Variants in ADGRB3 observed in about 807,000 individuals in gnomAD.
The protein encoded by ADGRB3 is brain-specific angiogenesis inhibitor 3.
A neutral mutation model predicts 193.4 loss-of-function variants in ADGRB3; 37 were observed. The observed-to-expected ratio is 0.19, with a 90% CI of 0.15 to 0.25. The LOEUF is 0.25. Ranked by LOEUF, ADGRB3 falls within the 10% of genes least tolerant of loss-of-function variation. ADGRB3 has a pLI of 1.00. For synonymous variants in ADGRB3, 690 were observed against 644.2 expected, an observed-to-expected ratio of 1.07 and a Z score of -1.08; for missense variants, 1,637 against 1,852.9, an observed-to-expected ratio of 0.88 and a Z score of 2.14.
At chr6:69,104,109 A>T (rs1773143043) in intron 17 of ADGRB3, among the ~76,000 whole-genome samples, 1 of 151,784 alleles carries the variant, frequency 6.6e-6, no homozygotes, top group South Asian at 2.1e-4. Flanking sequence ...ATATGTATAC[A>T]TGTGCCATGC....
rs116516969 is a variant in ADGRB3 at position 68,911,454 on chromosome 6, G to A, written c.758-19105G>A. Among the ~76,000 whole-genome samples, 234 of 151,980 alleles carry A rather than the reference G, an allele frequency of 1.5e-3. 1 individual carries two copies. The highest frequency in any genetic ancestry group is 5.0e-3 in the African/African-American group (207 of 41,430). On this transcript the variant is annotated intron_variant, in intron 3 of 31. Coordinates refer to ENST00000370598, the MANE Select transcript of ADGRB3 (RefSeq NM_001704.3). ...AGGAAATTTTGAGGGTAAAGCCACA[G>A]GTCAAGACAGCAAACCACAAATCTA...
chr6:68,732,170 A>T (rs185834874), intron 3 of ADGRB3, among the ~76,000 whole-genome samples: 131 of 151,918 alleles, frequency 8.6e-4, no homozygotes, highest in Admixed American at 2.3e-3. Flanking sequence ...TTAAATATTG[A>T]ACTATATTTT....
At chr6:69,112,622 C>T (rs1170450707) in intron 17 of ADGRB3, among the ~76,000 whole-genome samples, 1 of 152,028 alleles carries the variant, frequency 6.6e-6, no homozygotes, top group East Asian at 1.9e-4. Context: ...TTCATGAGTT[C>T]CACATCCATT....
intron 5 of ADGRB3, among the ~76,000 whole-genome samples, chr6:68,939,334 A>G (rs747680214): frequency 8.5e-5 from 13 of 152,266 alleles, no homozygotes; most frequent in Middle Eastern, 3.4e-3. Context: ...TAGTGTTCCA[A>G]TAATGGAACA....
At chr6:69,104,121 G>T (rs1203314361) in intron 17 of ADGRB3, among the ~76,000 whole-genome samples, 5 of 151,490 alleles carry the variant, frequency 3.3e-5, no homozygotes, top group Non-Finnish European at 5.9e-5. Flanking sequence ...GTGCCATGCT[G>T]GTGTGCTGCA....
intron 17 of ADGRB3, among the ~76,000 whole-genome samples, chr6:69,085,498 T>C (rs912562226): frequency 2.0e-5 from 3 of 152,100 alleles, no homozygotes; most frequent in African/African-American, 7.2e-5. Context: ...GAAAAGACTT[T>C]ATATTGCTGA....
At chr6:68,745,235 G>A (rs73463952) in intron 3 of ADGRB3, among the ~76,000 whole-genome samples, 4,933 of 152,234 alleles carry the variant, frequency 0.032, 142 homozygotes, top group African/African-American at 0.073. Context: ...AAATTGTGGT[G>A]TATACATACA....
intron 3 of ADGRB3, among the ~76,000 whole-genome samples, chr6:68,731,816 T>A (rs2127332714): frequency 6.6e-6 from 1 of 151,822 alleles, no homozygotes; most frequent in East Asian, 1.9e-4. Context: ...ATGTGAATCA[T>A]ATTGTTACTG....
At chr6:68,947,143 A>AG (rs1283915791) in intron 6 of ADGRB3, among the ~76,000 whole-genome samples, 2 of 152,130 alleles carry the variant, frequency 1.3e-5, no homozygotes, top group African/African-American at 4.8e-5. Context: ...GAGCAACAAA[A>AG]GGAATTTCCT....
intron 3 of ADGRB3, among the ~76,000 whole-genome samples, chr6:68,750,728 G>A (rs1354530902): frequency 1.3e-5 from 2 of 152,140 alleles, no homozygotes; most frequent in African/African-American, 4.8e-5. Flanking sequence ...GACAGTGAGG[G>A]TGCTGGCTGA....
chr6:68,708,423 G>A (rs1175129284), intron 3 of ADGRB3, among the ~76,000 whole-genome samples: 1 of 152,094 alleles, frequency 6.6e-6, no homozygotes, highest in Non-Finnish European at 1.5e-5. Flanking sequence ...GGCTAAATTG[G>A]CCTTGACTTA....
intron 17 of ADGRB3, among the ~76,000 whole-genome samples, chr6:69,145,542 G>C (rs1019938985): frequency 2.6e-5 from 4 of 152,178 alleles, no homozygotes; most frequent in African/African-American, 9.6e-5. Flanking sequence ...GCGTGTTTCA[G>C]CTCCTTTTGT....
At chr6:69,102,636 G>A (rs1773097496) in intron 17 of ADGRB3, among the ~76,000 whole-genome samples, 1 of 152,150 alleles carries the variant, frequency 6.6e-6, no homozygotes, top group South Asian at 2.1e-4. Context: ...GTGAGCAGCA[G>A]GGCCACCAAG....
At chr6:69,313,596 G>T (rs1768245236) in intron 20 of ADGRB3, among the ~76,000 whole-genome samples, 1 of 151,630 alleles carries the variant, frequency 6.6e-6, no homozygotes, top group Non-Finnish European at 1.5e-5. Flanking sequence ...TTGGTTTTGA[G>T]TGCCTATATA....
chr6:68,733,348 GA>G (rs199854086), intron 3 of ADGRB3, among the ~76,000 whole-genome samples: 3,328 of 151,026 alleles, frequency 0.022, 64 homozygotes, highest in South Asian at 0.069. Flanking sequence ...TTGCAACGTA[GA>G]TGCAGCCTGA....
chr6:69,077,390 G>A (rs1772262671), intron 17 of ADGRB3, among the ~76,000 whole-genome samples: 1 of 151,838 alleles, frequency 6.6e-6, no homozygotes, highest in Non-Finnish European at 1.5e-5. Context: ...TTGAACTCCT[G>A]ATTTTAGTTT....
intron 3 of ADGRB3, among the ~76,000 whole-genome samples, chr6:68,759,948 G>T (rs1294949257): frequency 6.6e-6 from 1 of 151,932 alleles, no homozygotes; most frequent in Admixed American, 6.6e-5. Flanking sequence ...TATCTTAATT[G>T]TTTGAAGTTA....
intron 3 of ADGRB3, among the ~76,000 whole-genome samples, chr6:68,898,092 G>C (rs1766291416): frequency 6.6e-6 from 1 of 151,310 alleles, no homozygotes; most frequent in African/African-American, 2.4e-5. Flanking sequence ...GGATTATGGA[G>C]GCCAAAAATT....
intron 17 of ADGRB3, among the ~76,000 whole-genome samples, chr6:69,076,880 G>T (rs1772247682): frequency 6.6e-6 from 1 of 151,822 alleles, no homozygotes; most frequent in South Asian, 2.1e-4. Context: ...GAATTTTCCT[G>T]GTGTTCTTCA....
Sources: gnomAD v4.1 joint callset for allele counts (sites outside exome capture counted in the v4.1 genomes callset) on GRCh38, gnomAD v4.1.1 for gene constraint, MANE v1.5 for transcripts, NCBI Gene and HGNC (gene_info 2026-07-23, HGNC 2026-07-21) for gene names.